USP11: variants seen among roughly 807,000 people sequenced by gnomAD.
USP11 encodes the protein ubiquitin specific peptidase 11.
In USP11, 5 loss-of-function variants were observed where a neutral mutation model predicts 72.8. That is an observed-to-expected ratio of 0.07 (90% confidence interval 0.04 to 0.14). USP11 has a LOEUF of 0.14. USP11 is among the 10% of genes least tolerant of loss of function. USP11 has a pLI of 1.00. For synonymous variants in USP11, 368 were observed against 326.5 expected (o/e 1.13, Z -1.37); for missense variants, 480 against 794.7 (o/e 0.60, Z 4.76).
Position 47,245,486 on chromosome X carries a change from A to AG in USP11, c.2270+8dup. 8.7e-7 allele frequency: 1 copy of AG among 1,147,116 alleles called. No individual in the cohort carries two copies. The highest frequency in any genetic ancestry group is 2.2e-5 in the Admixed American group (1 of 45,414). 94.5% of individuals were successfully genotyped at this position (1,147,116 alleles called of 1,213,427 possible). A position where few individuals can be genotyped will look rare whatever the true frequency, so the allele number is the denominator to read the frequency against. On this transcript the variant is annotated splice_donor_region_variant and intron_variant, in intron 17 of 20. Coordinates refer to ENST00000377107, the MANE Select transcript of USP11 (RefSeq NM_001371072.1). ...CCCTGGAGAAGGAAAACCCCTGGTG[A>AG]GGGGCCAGAGCGGGGCCTGTGTGTG...
At chrX:47,243,156 G>A (rs183303610) in intron 12 of USP11, among the ~76,000 whole-genome samples, 12,851 of 111,400 alleles carry the variant, frequency 0.12, 750 homozygotes, top group Non-Finnish European at 0.18. Context: ...CCAGCTACTC[G>A]GGAGGCTGAG....
rs769603172 is a variant in USP11 at position 47,247,960 on chromosome X, A to G, written c.*30A>G. ...CCTGGGTCCTGCCACAGAAAAAAAA[A>G]AAAAAAAGCCCTCTCTGCAATCTCG... On this transcript the variant is annotated 3_prime_UTR_variant, in exon 21 of 21. Transcript: ENST00000377107. 2.5e-5 allele frequency: 29 copies of G among 1,153,029 alleles called. No homozygotes were observed. Among genetic ancestry groups the G allele is most frequent in the Admixed American group, 1.3e-4 (4 of 31,298 alleles).
chrX:47,239,504 A>G (rs369774875), intron 3 of USP11, 23 bp downstream of exon 3: 2 of 1,209,517 alleles, frequency 1.7e-6, no homozygotes, highest in Non-Finnish European at 2.2e-6. Context: ...GGGAGGGTGC[A>G]TGGCGGGGAG....
chrX:47,235,368 A>G (rs941400413), intron 1 of USP11, among the ~76,000 whole-genome samples: 1 of 112,160 alleles, frequency 8.9e-6, no homozygotes, highest in African/African-American at 3.2e-5. Context: ...AACCTTGATC[A>G]CTTGGTTATG....
chrX:47,239,109 A>G lies in USP11; in HGVS notation c.216A>G (p.Ala72=). ...AGCACTGGTATAAGCAGTGGGAGGC[A>G]TACGTGCAGGGAGGGGACCAGGACT... The part of the protein sequence containing the change: ...VEKHWYKQWE[A]YVQGGDQDSS... The change falls in exon 2 of 21, where the codon GCA becomes GCG. Residue 72 remains alanine (A), a synonymous_variant. Transcript: ENST00000377107. 2 of 1,210,653 alleles carry G rather than the reference A, an allele frequency of 1.7e-6. No homozygotes were observed. The highest frequency in any genetic ancestry group is 4.4e-5 in the Admixed American group (2 of 45,943).
At chrX:47,242,590 C>G in intron 11 of USP11, 36 bp from the exon 12 acceptor site, 2 of 1,201,871 alleles carry the variant, frequency 1.7e-6, no homozygotes, top group Non-Finnish European at 2.3e-6. Context: ...GGAGGCCGTG[C>G]AGACTAACAG....
rs1273749388 is a variant in USP11, at chrX:47,240,703, G to C, written c.743+55G>C. On this transcript the variant is annotated intron_variant, in intron 6 of 20. Coordinates refer to ENST00000377107, the MANE Select transcript of USP11 (RefSeq NM_001371072.1). ...GGGGGCGTCCCACAGTAGGCAAAAT[G>C]ATTTAGCCCATGAGCACATTGCACC... 5.0e-6 allele frequency: 6 copies of C among 1,204,408 alleles called. No homozygotes were observed. In the East Asian group the frequency reaches 1.8e-4, roughly 36 times the overall value.
chrX:47,241,511 T>C lies in USP11; in HGVS notation c.1021-30T>C, dbSNP rs751063811. On this transcript the variant is annotated intron_variant, in intron 8 of 20. Coordinates refer to ENST00000377107, the MANE Select transcript of USP11 (RefSeq NM_001371072.1). ...GTCTCTTGGCTCTCCTAACTCCCTC[T>C]CTCTCTGATGACCCTGCCCATCTTC... 1.5e-5 allele frequency: 18 copies of C among 1,186,035 alleles called. No homozygotes were observed. The South Asian group carries it at 2.8e-4, about 19-fold the overall frequency.
rs778444389 is a variant in USP11, at chrX:47,243,626, T to TG, written c.1790+30dup. 10 of 1,193,552 alleles carry TG rather than the reference T, an allele frequency of 8.4e-6. No individual in the cohort carries two copies. In the African/African-American group the frequency reaches 8.9e-5, roughly 11 times the overall value. On this transcript the variant is annotated intron_variant, in intron 13 of 20. Coordinates refer to ENST00000377107, the MANE Select transcript of USP11 (RefSeq NM_001371072.1). ...TCGTAAGTGTCCTCTTCCCCGGGGG[T>TG]GGGGGGCGGAGGGGTCTGAACTCCG...
intron 1 of USP11, among the ~76,000 whole-genome samples, chrX:47,234,067 A>G (rs748866936): frequency 2.3e-4 from 26 of 112,254 alleles, no homozygotes; most frequent in Non-Finnish European, 4.9e-4. Context: ...CCTTCTTGAA[A>G]TTTACTGCTT....
At chrX:47,240,268 CA>C in intron 4 of USP11, 36 bp from the exon 5 acceptor site, 2 of 1,200,851 alleles carry the variant, frequency 1.7e-6, no homozygotes, top group Non-Finnish European at 2.2e-6. Context: ...TTTTGGGTCT[CA>C]CAAAGATCTT....
chrX:47,242,393 C>T (rs376067023), intron 10 of USP11, 46 bp from the exon 11 acceptor site: 85 of 1,206,177 alleles, frequency 7.0e-5, no homozygotes, highest in Non-Finnish European at 9.4e-5. Flanking sequence ...TGCATTAACT[C>T]ACCACAAGCC....
intron 1 of USP11, chrX:47,233,741 G>A: frequency 5.9e-6 from 1 of 170,455 alleles, no homozygotes; most frequent in Non-Finnish European, 9.5e-6. Context: ...GCCTGGGAAC[G>A]AGGTTAGGTT....
rs756593937 is a variant in USP11 at position 47,247,767 on chromosome X, C to T, written c.2626-26C>T. 7.4e-6 allele frequency: 9 copies of T among 1,209,586 alleles called. No individual in the cohort carries two copies. In the East Asian group the frequency reaches 2.1e-4, roughly 28 times the overall value. The stretch of plus-strand genomic sequence containing the variant: ...TCCACCTCCCCACCCCCACAATCCA[C>T]ACTGACTCCTGTCCTCTCCCCACAG... On this transcript the variant is annotated intron_variant, in intron 20 of 20. Transcript: ENST00000377107.
Position 47,243,559 on chromosome X carries a change from T to C in USP11, c.1747T>C (p.Phe583Leu). The C allele has an allele frequency of 8.3e-7, 1 of 1,211,714 alleles. No individual in the cohort carries two copies. Among genetic ancestry groups the C allele is most frequent in the Non-Finnish European group, 1.1e-6 (1 of 895,480 alleles). Reference protein sequence around the residue: ...PLLVSVPRDRFTWEGLYNVLM... With the variant: ...PLLVSVPRDRLTWEGLYNVLM... The stretch of plus-strand genomic sequence containing the variant: ...CCTGGTATCAGTGCCCCGGGACCGC[T>C]TCACCTGGGAGGGCCTGTATAACGT... The change falls in exon 13 of 21, where the codon TTC (phenylalanine) becomes CTC (leucine). Residue 583 changes from phenylalanine (F) to leucine (L), a missense_variant. By Grantham distance (22) the Phe-to-Leu change is conservative. Coordinates refer to ENST00000377107, the MANE Select transcript of USP11 (RefSeq NM_001371072.1).
chrX:47,233,246 G>C (rs1393065356), intron 1 of USP11, 27 bp downstream of exon 1: 4 of 1,141,518 alleles, frequency 3.5e-6, no homozygotes, highest in Non-Finnish European at 4.7e-6. Context: ...GTGGAGCCTC[G>C]GCAGAGGGAA....
chrX:47,234,647 CAGTT>C (rs1235146570), intron 1 of USP11, among the ~76,000 whole-genome samples: 2 of 111,890 alleles, frequency 1.8e-5, no homozygotes, highest in South Asian at 7.3e-4. Flanking sequence ...TACAACATTT[CAGTT>C]AGACAAGAAA....
chrX:47,243,430 G>T lies in USP11; in HGVS notation c.1618G>T (p.Gly540Cys), dbSNP rs373083048. ...EVSGRIEAIE[G>C]SREDIVVPVY... ...GTCAGGTCGCATTGAGGCCATTGAGGGCTCAAGAGAGGACATCGTGGTTCC... is the reference window on the plus strand; with the variant it reads ...GTCAGGTCGCATTGAGGCCATTGAGTGCTCAAGAGAGGACATCGTGGTTCC... The change falls in exon 13 of 21, where the codon GGC (glycine) becomes TGC (cysteine). Residue 540 changes from glycine to cysteine, a missense_variant. This residue lies in a region of USP11 where 314 missense variants were observed against 556.0 expected (regional missense o/e 0.56). Transcript: ENST00000377107. 1 of 1,210,291 alleles carries T rather than the reference G, an allele frequency of 8.3e-7. No individual in the cohort carries two copies. Among genetic ancestry groups the T allele is most frequent in the Non-Finnish European group, 1.1e-6 (1 of 895,240 alleles).
At chrX:47,234,688 A>G (rs182011708) in intron 1 of USP11, among the ~76,000 whole-genome samples, 1 of 112,165 alleles carries the variant, frequency 8.9e-6, no homozygotes, top group South Asian at 3.6e-4. Flanking sequence ...TTGTACAACT[A>G]TAGTTAATAA....
Sources: allele counts gnomAD v4.1 joint callset (sites outside exome capture counted in the v4.1 genomes callset), GRCh38; gene constraint gnomAD v4.1.1; regional missense constraint gnomAD v4.1.1; transcripts MANE v1.5; gene names NCBI Gene and HGNC (gene_info 2026-07-23, HGNC 2026-07-21).